Variants in TSHR observed in about 807,000 individuals in gnomAD.
TSHR encodes thyroid stimulating hormone receptor, also known as thyrotropin receptor.
Under a neutral mutation model 64.1 loss-of-function variants are expected in TSHR, and 51 were observed. The ratio of observed to expected loss-of-function variants is 0.80; its 90% confidence interval spans 0.64 to 1.01. The LOEUF is 1.01. Ranked by LOEUF, TSHR falls within the 50% of genes least tolerant of loss-of-function variation. The probability of loss-of-function intolerance (pLI) is 0.00; values close to 1 mark genes in which losing one functional copy is unlikely to be tolerated. For missense variants in TSHR, 877 were observed against 942.8 expected (o/e 0.93, Z 0.91); for synonymous variants, 361 against 361.9 (o/e 1.00, Z 0.03).
chr14:81,087,996 T>C lies in TSHR; in HGVS notation c.360T>C (p.Asp120=), dbSNP rs770316441. ...NTRNLTYIDP[D]ALKELPLLKF... ...GGAACTTAACTTACATAGACCCTGA[T>C]GCCCTCAAAGAGCTCCCCCTCCTAA... Residue 120 remains aspartate, a synonymous_variant, in exon 4 of 10, where the codon GAT becomes GAC. Coordinates refer to ENST00000298171, the MANE Select transcript of TSHR (RefSeq NM_000369.5). 3.7e-6 allele frequency: 6 copies of C among 1,613,854 alleles called. No individual in the cohort carries two copies.
chr14:81,131,717 T>C (rs1357166202), intron 8 of TSHR, among the ~76,000 whole-genome samples: 3 of 152,180 alleles, frequency 2.0e-5, no homozygotes, highest in African/African-American at 7.2e-5. Flanking sequence ...ATCTCCTCAA[T>C]GAGGCCTTCC....
Position 81,144,336 on chromosome 14 carries a change from A to G in TSHR, c.2278A>G (p.Met760Val). The G allele has an allele frequency of 2.5e-6, 4 of 1,614,088 alleles. No homozygotes were observed. Among genetic ancestry groups the G allele is most frequent in the Non-Finnish European group, 3.4e-6 (4 of 1,180,052 alleles). The change falls in exon 10 of 10, where the codon ATG becomes GTG. Residue 760 changes from methionine (M) to valine (V), a missense_variant. Coordinates refer to ENST00000298171, the MANE Select transcript of TSHR (RefSeq NM_000369.5). ...KKQGQISEEY[M>V]QTVL Reference sequence around the variant, plus strand: ...GCAAGGCCAAATCTCAGAAGAGTATATGCAAACGGTTTTGTAAGTTAACAC... The same window carrying G: ...GCAAGGCCAAATCTCAGAAGAGTATGTGCAAACGGTTTTGTAAGTTAACAC...
intron 8 of TSHR, among the ~76,000 whole-genome samples, chr14:81,131,524 C>T (rs1486348217): frequency 6.6e-6 from 1 of 152,200 alleles, no homozygotes; most frequent in Non-Finnish European, 1.5e-5. Context: ...CGTCCGCTGA[C>T]TTCTCCCACA....
intron 1 of TSHR, chr14:80,983,126 G>A: frequency 2.6e-6 from 2 of 762,408 alleles, no homozygotes; most frequent in South Asian, 2.1e-5. Context: ...CCCCAGAAAT[G>A]AGAAAATTAC....
Position 81,121,920 on chromosome 14 carries a change from G to T in TSHR, c.692+13468G>T, listed in dbSNP as rs553083887. Among the ~76,000 whole-genome samples the T allele has an allele frequency of 6.9e-5, 10 of 143,906 alleles. No individual in the cohort carries two copies. In the South Asian group the frequency reaches 2.3e-3, roughly 33 times the overall value. 94.4% of individuals were successfully genotyped at this position (143,906 alleles called of 152,430 possible). Reference sequence around the variant, plus strand: ...ATTGCACCACTGCACTCCAGCCTGGGAGACAGAGCAAGACTCTGTCTCAAA... The same window carrying T: ...ATTGCACCACTGCACTCCAGCCTGGTAGACAGAGCAAGACTCTGTCTCAAA... On this transcript the variant is annotated intron_variant, in intron 8 of 9. Transcript: ENST00000298171.
chr14:81,073,592 G>T (rs928873554), intron 3 of TSHR, among the ~76,000 whole-genome samples: 3 of 151,890 alleles, frequency 2.0e-5, no homozygotes, highest in Admixed American at 6.6e-5. Context: ...GATTAAGGAA[G>T]AAATCATAAT....
Position 81,103,502 on chromosome 14 carries a change from C to G in TSHR, c.615-4873C>G. 2.0e-6 allele frequency: 2 copies of G among 985,448 alleles called. No homozygotes were observed. Among genetic ancestry groups the G allele is most frequent in the South Asian group, 9.4e-5 (2 of 21,290 alleles). The allele number at this position is 985,448 out of a possible 1,614,324, so 61.0% of individuals were successfully genotyped here. ...AAAATGTAACTGAATAATACAATTA[C>G]AGCCAAGCTGGACAAATTCCACATC... On this transcript the variant is annotated intron_variant, in intron 7 of 9. Coordinates refer to ENST00000298171, the MANE Select transcript of TSHR (RefSeq NM_000369.5). This position sits in a 1 kb window ranked among gnomAD's most constrained non-coding sequence, Gnocchi z 4.1.
chr14:81,044,840 G>A (rs571078579), intron 1 of TSHR, among the ~76,000 whole-genome samples: 1 of 152,220 alleles, frequency 6.6e-6, no homozygotes, highest in East Asian at 1.9e-4. Context: ...AGACTGTGTG[G>A]TGATTCCTCA....
intron 1 of TSHR, among the ~76,000 whole-genome samples, chr14:80,999,869 T>C (rs1889213603): frequency 6.6e-6 from 1 of 152,080 alleles, no homozygotes; most frequent in Non-Finnish European, 1.5e-5. Flanking sequence ...AGTCATTTGT[T>C]TGGAATGTAT....
intron 1 of TSHR, among the ~76,000 whole-genome samples, chr14:81,008,235 T>C (rs74739134): frequency 7.9e-5 from 12 of 151,452 alleles, no homozygotes; most frequent in South Asian, 4.2e-4. Context: ...TGCAGTGGCA[T>C]GATCTCGGCT....
intron 1 of TSHR, chr14:81,050,092 T>C (rs1247425034): frequency 2.0e-5 from 3 of 152,092 alleles, no homozygotes; most frequent in Non-Finnish European, 4.4e-5. Flanking sequence ...TAAAGTAACA[T>C]ACAATGGATC....
chr14:81,050,244 A>G (rs1304006780), intron 1 of TSHR: 1 of 152,166 alleles, frequency 6.6e-6, no homozygotes, highest in African/African-American at 2.4e-5. Context: ...GAAATTCCCA[A>G]CCGGTCTATG....
At chr14:80,984,066 AGTGT>A (rs144663890) in intron 1 of TSHR, among the ~76,000 whole-genome samples, 3 of 151,162 alleles carry the variant, frequency 2.0e-5, no homozygotes, top group Non-Finnish European at 4.4e-5. Flanking sequence ...AGAGAGAGTG[AGTGT>A]GTGTGTGTGT....
At chr14:81,136,021 A>C (rs1254226224) in intron 8 of TSHR, among the ~76,000 whole-genome samples, 1 of 152,216 alleles carries the variant, frequency 6.6e-6, no homozygotes, top group Admixed American at 6.5e-5. Context: ...GATGTCTTCA[A>C]GTATAATAGA....
At chr14:81,068,873 C>A (rs920773116) in intron 3 of TSHR, among the ~76,000 whole-genome samples, 3 of 152,098 alleles carry the variant, frequency 2.0e-5, no homozygotes, top group African/African-American at 7.2e-5. Context: ...ATAAGAGCTG[C>A]AACTTCATGT....
chr14:81,087,848 A>T, intron 3 of TSHR, 106 bp from the exon 4 acceptor site: 1 of 942,032 alleles, frequency 1.1e-6, no homozygotes, highest in Non-Finnish European at 1.7e-6. Context: ...GCGTAAATGC[A>T]TATTTTTCTC....
At chr14:81,132,546 A>C (rs72627197) in intron 8 of TSHR, among the ~76,000 whole-genome samples, 5,594 of 152,224 alleles carry the variant, frequency 0.037, 311 homozygotes, top group East Asian at 0.24. Context: ...ACTCTCTCCA[A>C]ATTCAGGTCC....
intron 2 of TSHR, among the ~76,000 whole-genome samples, chr14:81,067,410 G>A (rs573084816): frequency 6.6e-6 from 1 of 150,964 alleles, no homozygotes; most frequent in Non-Finnish European, 1.5e-5. Context: ...TTACAGTCTA[G>A]TGAGACAACA....
intron 1 of TSHR, among the ~76,000 whole-genome samples, chr14:81,004,517 CT>C (rs1889494087): frequency 6.6e-6 from 1 of 152,232 alleles, no homozygotes; most frequent in Non-Finnish European, 1.5e-5. Flanking sequence ...TACTATTCCC[CT>C]TGCCTGGAGT....
Sources: allele counts gnomAD v4.1 joint callset (sites outside exome capture counted in the v4.1 genomes callset), GRCh38; gene constraint gnomAD v4.1.1; non-coding constraint Gnocchi (gnomAD v3.1); transcripts MANE v1.5; gene names NCBI Gene and HGNC (gene_info 2026-07-23, HGNC 2026-07-21).